The following RBKS variants were observed in gnomAD, a reference collection of about 807,000 sequenced individuals.
RBKS encodes ribokinase.
Under a neutral mutation model 33.9 loss-of-function variants are expected in RBKS, and 33 were observed. That is an observed-to-expected ratio of 0.97 (90% CI 0.74 to 1.30). RBKS has a LOEUF of 1.30. Among genes scored for constraint, RBKS ranks in the 50% most tolerant of loss-of-function variants. The pLI is 0.00. For synonymous variants in RBKS, 125 were observed against 143.0 expected (o/e 0.87, Z 0.90); for missense variants, 361 against 392.6 (o/e 0.92, Z 0.68).
At chr2:27,797,376 A>G (rs1677685013) in intron 7 of RBKS, among the ~76,000 whole-genome samples, 1 of 152,184 alleles carries the variant, frequency 6.6e-6, no homozygotes, top group African/African-American at 2.4e-5. Context: ...GCCAGCAGCA[A>G]CCCTGGGCCA....
chr2:27,869,708 A>T (rs1664164541), intron 1 of RBKS: 3 of 184,198 alleles, frequency 1.6e-5, no homozygotes, highest in Non-Finnish European at 3.2e-5. Context: ...AATCAGTAGG[A>T]GCCCTGAGCT....
chr2:27,843,724 A>G (rs1333512021), intron 4 of RBKS, among the ~76,000 whole-genome samples: 1 of 152,238 alleles, frequency 6.6e-6, no homozygotes, highest in African/African-American at 2.4e-5. Context: ...TATCTAACAG[A>G]TAGAAAATTG....
At chr2:27,850,063 T>C (rs543307730) in intron 2 of RBKS, among the ~76,000 whole-genome samples, 1 of 152,354 alleles carries the variant, frequency 6.6e-6, no homozygotes, top group East Asian at 1.9e-4. Context: ...TGGCTTGAAC[T>C]CTACAGTTGA....
chr2:27,854,457 G>A (rs1347998180), intron 2 of RBKS, among the ~76,000 whole-genome samples: 2 of 152,166 alleles, frequency 1.3e-5, no homozygotes, highest in East Asian at 1.9e-4. Flanking sequence ...CAATGAAGAC[G>A]CTGGCTGAAA....
chr2:27,870,702 C>A, intron 1 of RBKS: 1 of 440,694 alleles, frequency 2.3e-6, no homozygotes, highest in Non-Finnish European at 4.6e-6. Context: ...TCAGAAGCAA[C>A]CTCTTTGATG....
At chr2:27,823,819 A>G (rs1209422770) in intron 7 of RBKS, among the ~76,000 whole-genome samples, 1 of 152,210 alleles carries the variant, frequency 6.6e-6, no homozygotes, top group Non-Finnish European at 1.5e-5. Flanking sequence ...AGGGCAATTC[A>G]GTGGAGAGTC....
At chr2:27,782,613 C>T in intron 7 of RBKS, 1 of 467,494 alleles carries the variant, frequency 2.1e-6, no homozygotes, top group Non-Finnish European at 4.5e-6. Context: ...GGTGAAATGT[C>T]ATTTTCATCA....
intron 7 of RBKS, among the ~76,000 whole-genome samples, chr2:27,794,370 G>C (rs1677599129): frequency 6.7e-6 from 1 of 149,810 alleles, no homozygotes; most frequent in African/African-American, 2.4e-5. Context: ...AAAATCCCAA[G>C]TGTGAGAAAG....
chr2:27,791,000 C>T (rs1677510902), intron 7 of RBKS, among the ~76,000 whole-genome samples: 2 of 152,208 alleles, frequency 1.3e-5, no homozygotes, highest in Non-Finnish European at 2.9e-5. Flanking sequence ...TTTATAATCA[C>T]TCCAAATTGG....
At chr2:27,870,715 A>T (rs1451635433) in intron 1 of RBKS, 4 of 453,386 alleles carry the variant, frequency 8.8e-6, no homozygotes, top group Non-Finnish European at 1.8e-5. Flanking sequence ...CTTTGATGTG[A>T]GTAGTGAAAC....
intron 7 of RBKS, among the ~76,000 whole-genome samples, chr2:27,789,951 A>ATATATATATATATATATATATATG (rs1677485797): frequency 3.6e-5 from 4 of 111,384 alleles, no homozygotes; most frequent in African/African-American, 1.5e-4. Flanking sequence ...GTATATGTGT[A>ATATATATATATATATATATATATG]TATATATATA....
rs112593610 is a variant in RBKS, at chr2:27,789,868, ATGTGTG to A, written c.796-8086_796-8081del. 1.1e-3 allele frequency among the ~76,000 whole-genome samples: 150 copies of A among 131,100 alleles called. 1 individual carries two copies. Among genetic ancestry groups the A allele is most frequent in the African/African-American group, 3.9e-3 (138 of 35,186 alleles). The allele number at this position is 131,100 out of a possible 152,430, so 86.0% of individuals were successfully genotyped here. A position where few individuals can be genotyped will look rare whatever the true frequency, so the allele number is the denominator to read the frequency against. ...GTGAACCACCATGCCTGGCCAGCTG[ATGTGTG>A]TGTGTGTGTGTGTGTGTGTGTATAG... On this transcript the variant is annotated intron_variant, in intron 7 of 7. Coordinates refer to ENST00000302188, the MANE Select transcript of RBKS (RefSeq NM_022128.3).
chr2:27,826,995 A>G (rs565590878), intron 7 of RBKS, among the ~76,000 whole-genome samples: 1 of 130,172 alleles, frequency 7.7e-6, no homozygotes, highest in East Asian at 3.3e-4. Flanking sequence ...TTTAAAGATT[A>G]AATGAAAAAA....
At chr2:27,835,649 T>A (rs1263016425) in intron 5 of RBKS, among the ~76,000 whole-genome samples, 1 of 150,646 alleles carries the variant, frequency 6.6e-6, no homozygotes, top group African/African-American at 2.4e-5. Flanking sequence ...GTTCTTGAAT[T>A]CCTGGGCTCA....
At chr2:27,870,563 G>C (rs1664184672) in intron 1 of RBKS, 1 of 350,954 alleles carries the variant, frequency 2.8e-6, no homozygotes, top group Non-Finnish European at 5.7e-6. Flanking sequence ...GAAGAGACGT[G>C]AGTTAAGGGC....
intron 7 of RBKS, chr2:27,809,928 T>A (rs1049492052): frequency 1.5e-6 from 2 of 1,303,320 alleles, no homozygotes; most frequent in Non-Finnish European, 2.0e-6. Flanking sequence ...TTGCTCGAGC[T>A]GTTAGGCCAC....
rs906350551 is a variant in RBKS, at chr2:27,883,200, C to CT, written c.89+7056dup. ...ACCATGTTTTCCTAACTGCAGTATT[C>CT]TTTTTTTTTTTTTTTTTGAGACGGA... On this transcript the variant is annotated intron_variant, in intron 1 of 7. Coordinates refer to ENST00000302188, the MANE Select transcript of RBKS (RefSeq NM_022128.3). 2.6e-3 allele frequency among the ~76,000 whole-genome samples: 368 copies of CT among 140,386 alleles called. 1 individual carries two copies. Among genetic ancestry groups the CT allele is most frequent in the Admixed American group, 4.0e-3 (56 of 14,024 alleles). The allele number at this position is 140,386 out of a possible 152,430, so 92.1% of individuals were successfully genotyped here. A position where few individuals can be genotyped will look rare whatever the true frequency, so the allele number is the denominator to read the frequency against.
chr2:27,804,598 A>G (rs1349095635), intron 7 of RBKS, among the ~76,000 whole-genome samples: 2 of 152,218 alleles, frequency 1.3e-5, no homozygotes, highest in Non-Finnish European at 2.9e-5. Context: ...CGAAAAGTGA[A>G]GTTGGTGTTG....
At chr2:27,802,174 A>G (rs1677809362) in intron 7 of RBKS, among the ~76,000 whole-genome samples, 1 of 150,302 alleles carries the variant, frequency 6.7e-6, no homozygotes, top group Non-Finnish European at 1.5e-5. Context: ...GAGAGAACTC[A>G]CTCACTATTT....
Sources: allele counts gnomAD v4.1 joint callset (sites outside exome capture counted in the v4.1 genomes callset), GRCh38; gene constraint gnomAD v4.1.1; transcripts MANE v1.5; gene names NCBI Gene and HGNC (gene_info 2026-07-23, HGNC 2026-07-21).